The following SOS1 variants were observed in gnomAD, a reference collection of about 807,000 sequenced individuals.
The protein encoded by SOS1 is SOS Ras/Rac guanine nucleotide exchange factor 1, also known as son of sevenless homolog 1.
In SOS1, 25 loss-of-function variants were observed where a neutral mutation model predicts 157.6. The ratio of observed to expected loss-of-function variants is 0.16; its 90% CI spans 0.12 to 0.22. The LOEUF is 0.22. Ranked by LOEUF, SOS1 falls within the 10% of genes least tolerant of loss-of-function variation. SOS1 has a pLI of 1.00. For missense variants in SOS1, 1,237 were observed against 1,599.1 expected (o/e 0.77, Z 3.86); for synonymous variants, 528 against 534.0 (o/e 0.99, Z 0.16).
rs1428068201 is a variant in SOS1, at chr2:38,995,272, C to G, written c.3197G>C (p.Ser1066Thr). The part of the protein sequence containing the change: ...LQQEPRKISY[S>T]RIPESETEST... ...TTCTGTTTCACTTTCAGGGATCCTACTATAACTAATTTTCCTTGGCTCCTG... is the reference window on the plus strand; with the variant it reads ...TTCTGTTTCACTTTCAGGGATCCTAGTATAACTAATTTTCCTTGGCTCCTG... The change falls in exon 20 of 23, where the codon AGT (serine) becomes ACT (threonine). Residue 1066 changes from serine (S) to threonine (T), a missense_variant. Ser to Thr is a moderately conservative substitution (Grantham distance 58, BLOSUM62 1). This residue lies in a region of SOS1 where 43 missense variants were observed against 83.0 expected (regional missense o/e 0.52). Transcript: ENST00000402219. 2.5e-6 allele frequency: 4 copies of G among 1,613,936 alleles called. No individual in the cohort carries two copies. Among genetic ancestry groups the G allele is most frequent in the Non-Finnish European group, 3.4e-6 (4 of 1,179,960 alleles).
chr2:39,036,732 C>G (rs865794060), intron 6 of SOS1, among the ~76,000 whole-genome samples: 6 of 151,462 alleles, frequency 4.0e-5, no homozygotes, highest in African/African-American at 1.2e-4. Context: ...CGCCACCACG[C>G]CCGGCTATTT....
At chr2:39,040,852 A>G (rs1301395044) in intron 6 of SOS1, among the ~76,000 whole-genome samples, 1 of 152,184 alleles carries the variant, frequency 6.6e-6, no homozygotes, top group Non-Finnish European at 1.5e-5. Context: ...TCTTTTGGGT[A>G]TATACCTAGG....
At chr2:39,048,134 G>A (rs1224256386) in intron 6 of SOS1, among the ~76,000 whole-genome samples, 3 of 151,900 alleles carry the variant, frequency 2.0e-5, no homozygotes, top group Non-Finnish European at 4.4e-5. Flanking sequence ...TTCTTTCATG[G>A]TTAGTGCTTT....
At chr2:39,030,909 C>G (rs1269971871) in intron 8 of SOS1, among the ~76,000 whole-genome samples, 1 of 152,010 alleles carries the variant, frequency 6.6e-6, no homozygotes, top group Non-Finnish European at 1.5e-5. Context: ...GAACGTGAAG[C>G]TGTGAAGAAG....
In SOS1 at chr2:39,051,188, T is replaced by G; in HGVS notation, c.820A>C (p.Ser274Arg). 6.2e-7 allele frequency: 1 copy of G among 1,613,800 alleles called. No individual in the cohort carries two copies. The highest frequency in any genetic ancestry group is 8.5e-7 in the Non-Finnish European group (1 of 1,179,734). ...CAGCTTCCTACTAGTGGATGGGGAC[T>G]GCCTTCATCTGTCATTTCTACTGTA... ...EDTVEMTDEG[S>R]PHPLVGSCFE... The change falls in exon 6 of 23, where the codon AGT (serine) becomes CGT (arginine). Residue 274 changes from serine to arginine, a missense_variant. Ser to Arg is a moderately radical substitution (Grantham distance 110, BLOSUM62 -1). Transcript: ENST00000402219.
intron 10 of SOS1, among the ~76,000 whole-genome samples, chr2:39,016,789 A>G (rs1456153129): frequency 6.6e-6 from 1 of 152,142 alleles, no homozygotes; most frequent in Non-Finnish European, 1.5e-5. Flanking sequence ...AAATGCCATG[A>G]AAATCAGGCT....
intron 2 of SOS1, among the ~76,000 whole-genome samples, chr2:39,065,782 T>C (rs1249001889): frequency 2.0e-5 from 3 of 152,214 alleles, no homozygotes; most frequent in African/African-American, 7.2e-5. Context: ...TCATTCAACT[T>C]ATATTTTCTG....
At chr2:39,082,201 T>A (rs1476980492) in intron 1 of SOS1, among the ~76,000 whole-genome samples, 1 of 152,174 alleles carries the variant, frequency 6.6e-6, no homozygotes, top group Non-Finnish European at 1.5e-5. Flanking sequence ...GCTACAAAAC[T>A]TGCCTGTTCA....
intron 2 of SOS1, among the ~76,000 whole-genome samples, chr2:39,064,741 C>CT (rs1558496540): frequency 2.0e-5 from 1 of 49,088 alleles, no homozygotes; most frequent in African/African-American, 8.8e-5. Context: ...TTTTAAAATA[C>CT]ATTTTTTTTT....
At chr2:39,010,776 A>T (rs1669439467) in intron 14 of SOS1, 73 bp from the exon 15 acceptor site, 3 of 1,264,084 alleles carry the variant, frequency 2.4e-6, no homozygotes, top group Non-Finnish European at 3.4e-6. Context: ...TAAGTAAAGG[A>T]GACAAATAAA....
intron 6 of SOS1, among the ~76,000 whole-genome samples, chr2:39,046,117 A>G (rs1166028436): frequency 6.6e-6 from 1 of 152,180 alleles, no homozygotes; most frequent in Admixed American, 6.5e-5. Flanking sequence ...TTTTTATATC[A>G]TATCATTTTA....
chr2:38,997,106 A>G, intron 18 of SOS1, 68 bp from the exon 19 acceptor site: 2 of 1,071,914 alleles, frequency 1.9e-6, no homozygotes, highest in Middle Eastern at 5.7e-4. Flanking sequence ...ATTCATGGAA[A>G]GTTAAGAAAA....
At chr2:39,124,507 G>A (rs1315215443), upstream of SOS1, among the ~76,000 whole-genome samples, 1 of 152,260 alleles carries the variant, frequency 6.6e-6, no homozygotes, top group African/African-American at 2.4e-5. Flanking sequence ...ACGGGGGCGG[G>A]GGTGGGCGTT....
At chr2:39,017,046 G>T (rs1374268609) in intron 10 of SOS1, among the ~76,000 whole-genome samples, 1 of 151,902 alleles carries the variant, frequency 6.6e-6, no homozygotes, top group African/African-American at 2.4e-5. Flanking sequence ...ACCAATTCTT[G>T]GTCTATTATG....
intron 1 of SOS1, among the ~76,000 whole-genome samples, chr2:39,118,346 A>G (rs995835768): frequency 1.3e-5 from 2 of 152,264 alleles, no homozygotes; most frequent in Admixed American, 1.3e-4. Flanking sequence ...TATCCACATG[A>G]AATGTCCAGC....
intron 1 of SOS1, among the ~76,000 whole-genome samples, chr2:39,106,073 A>G (rs1673165083): frequency 6.6e-6 from 1 of 151,924 alleles, no homozygotes; most frequent in Non-Finnish European, 1.5e-5. Context: ...CAAAAAAATT[A>G]GCCGCGCATG....
chr2:39,033,857 C>T (rs573857283), intron 8 of SOS1, among the ~76,000 whole-genome samples: 27 of 152,082 alleles, frequency 1.8e-4, no homozygotes, highest in African/African-American at 3.1e-4. Flanking sequence ...TATTTATAAA[C>T]TGATAACGGC....
chr2:39,030,374 G>A (rs1026955118), intron 8 of SOS1, among the ~76,000 whole-genome samples: 1 of 151,964 alleles, frequency 6.6e-6, no homozygotes, highest in Non-Finnish European at 1.5e-5. Flanking sequence ...GATCAGCCTG[G>A]GCAACAAAAT....
upstream of SOS1, among the ~76,000 whole-genome samples, chr2:39,124,834 G>A (rs1674017377): frequency 6.6e-6 from 1 of 152,068 alleles, no homozygotes; most frequent in Non-Finnish European, 1.5e-5. Context: ...TCTGTCTCCT[G>A]CTATTCAGAA....
Sources: allele counts gnomAD v4.1 joint callset (sites outside exome capture counted in the v4.1 genomes callset), GRCh38; gene constraint gnomAD v4.1.1; regional missense constraint gnomAD v4.1.1; transcripts MANE v1.5; gene names NCBI Gene and HGNC (gene_info 2026-07-23, HGNC 2026-07-21).